ROBO2: variants seen among roughly 807,000 people sequenced by gnomAD.
The protein encoded by ROBO2 is roundabout homolog 2.
A neutral mutation model predicts 160.8 loss-of-function variants in ROBO2; 53 were observed. The ratio of observed to expected loss-of-function variants is 0.33; its 90% CI spans 0.26 to 0.41. ROBO2 has a LOEUF of 0.41. ROBO2 is among the 10% of genes least tolerant of loss of function. The pLI, the probability that ROBO2 is intolerant of heterozygous loss-of-function variation, is 1.00. For synonymous variants in ROBO2, 664 were observed against 611.7 expected, an observed-to-expected ratio of 1.09 and a Z score of -1.26; for missense variants, 1,577 against 1,722.4, an observed-to-expected ratio of 0.92 and a Z score of 1.49.
intron 2 of ROBO2, among the ~76,000 whole-genome samples, chr3:77,212,295 CTTG>C (rs1370463672): frequency 6.6e-6 from 1 of 152,088 alleles, no homozygotes; most frequent in African/African-American, 2.4e-5. Flanking sequence ...CTTCACATCC[CTTG>C]TAAGTTGGAT....
At position 76,599,899 on chromosome 3, in the gene ROBO2, G is replaced by GT. The variant is rs200413740; in HGVS notation, c.110-498109dup. Among the ~76,000 whole-genome samples the GT allele has an allele frequency of 8.2e-3, 1,240 of 151,916 alleles. 15 individuals carry two copies. Among genetic ancestry groups the GT allele is most frequent in the South Asian group, 0.051 (247 of 4,814 alleles). Reference sequence around the variant, plus strand: ...TTCCCGCTTTTTAATGGATTTTTTTGTTTTTTCTTGCAAATTTAAGTTCCT... The same window carrying GT: ...TTCCCGCTTTTTAATGGATTTTTTTGTTTTTTTCTTGCAAATTTAAGTTCCT... On this transcript the variant is annotated intron_variant, in intron 2 of 26. Coordinates refer to the ROBO2 transcript ENST00000487694.
At chr3:76,981,766 AC>A (rs2060111149) in intron 2 of ROBO2, among the ~76,000 whole-genome samples, 1 of 152,048 alleles carries the variant, frequency 6.6e-6, no homozygotes, top group African/African-American at 2.4e-5. Context: ...TTCTGGTGAA[AC>A]CTCTATGAGC....
At chr3:77,323,368 T>A (rs1242465777) in intron 2 of ROBO2, among the ~76,000 whole-genome samples, 9 of 151,964 alleles carry the variant, frequency 5.9e-5, no homozygotes, top group Admixed American at 5.9e-4. Context: ...TAATTGTATC[T>A]CTCAAGACCC....
chr3:76,918,695 C>T (rs1343988986), intron 2 of ROBO2, among the ~76,000 whole-genome samples: 1 of 152,152 alleles, frequency 6.6e-6, no homozygotes, highest in Non-Finnish European at 1.5e-5. Context: ...CATTTTCAGT[C>T]AGCATAATTG....
intron 2 of ROBO2, among the ~76,000 whole-genome samples, chr3:76,315,591 A>G (rs1016920337): frequency 1.3e-5 from 2 of 152,202 alleles, no homozygotes; most frequent in Admixed American, 1.3e-4. Flanking sequence ...GAGCTTGTAG[A>G]AGTTTTTTAA....
intron 2 of ROBO2, among the ~76,000 whole-genome samples, chr3:76,848,301 T>C (rs953475092): frequency 1.3e-5 from 2 of 152,166 alleles, no homozygotes; most frequent in African/African-American, 4.8e-5. Context: ...TGGCGAAGGA[T>C]GCTGCTAAAT....
chr3:76,969,924 G>C (rs2059493164), intron 2 of ROBO2, among the ~76,000 whole-genome samples: 1 of 152,058 alleles, frequency 6.6e-6, no homozygotes, highest in Non-Finnish European at 1.5e-5. Flanking sequence ...TAATTTTTAA[G>C]AATATCATTG....
intron 2 of ROBO2, among the ~76,000 whole-genome samples, chr3:77,301,198 A>G (rs147621192): frequency 3.7e-4 from 57 of 152,222 alleles, no homozygotes; most frequent in African/African-American, 1.3e-3. Context: ...TTGAAAATAT[A>G]TATTACTGAT....
chr3:76,094,209 G>T (rs2069348996), intron 2 of ROBO2, among the ~76,000 whole-genome samples: 1 of 152,018 alleles, frequency 6.6e-6, no homozygotes, highest in Non-Finnish European at 1.5e-5. Context: ...AAGTCTGAAA[G>T]AATTTTTCTC....
intron 2 of ROBO2, among the ~76,000 whole-genome samples, chr3:76,525,226 A>T (rs1476702992): frequency 6.6e-6 from 1 of 151,940 alleles, no homozygotes. Flanking sequence ...AGTAAGTGAT[A>T]GACATTTTGG....
intron 2 of ROBO2, among the ~76,000 whole-genome samples, chr3:76,912,415 A>G (rs946874528): frequency 6.6e-6 from 1 of 152,240 alleles, no homozygotes; most frequent in Non-Finnish European, 1.5e-5. Flanking sequence ...TAAAAATCAC[A>G]GGGACAACCC....
intron 2 of ROBO2, among the ~76,000 whole-genome samples, chr3:77,385,115 C>T (rs1397490952): frequency 1.3e-5 from 2 of 152,268 alleles, no homozygotes; most frequent in Admixed American, 6.5e-5. Flanking sequence ...CTGCAACCTC[C>T]GCCTCCGGAG....
chr3:76,031,008 G>A (rs535318514), intron 2 of ROBO2, among the ~76,000 whole-genome samples: 1 of 152,286 alleles, frequency 6.6e-6, no homozygotes, highest in Admixed American at 6.5e-5. Context: ...AGCATGGAAT[G>A]TTCTTCCATT....
At chr3:77,319,896 A>G (rs1056509800) in intron 2 of ROBO2, among the ~76,000 whole-genome samples, 1 of 152,144 alleles carries the variant, frequency 6.6e-6, no homozygotes, top group Non-Finnish European at 1.5e-5. Flanking sequence ...TCTGCCCCCA[A>G]GTGGTAGAGA....
chr3:77,121,313 TG>T (rs1307780550), intron 2 of ROBO2, among the ~76,000 whole-genome samples: 1 of 152,212 alleles, frequency 6.6e-6, no homozygotes, highest in African/African-American at 2.4e-5. Flanking sequence ...TTTCATATTC[TG>T]TCAGCATAAT....
intron 2 of ROBO2, among the ~76,000 whole-genome samples, chr3:76,538,532 TGCATAAAACCTC>T (rs2082640976): frequency 6.6e-6 from 1 of 152,216 alleles, no homozygotes; most frequent in Non-Finnish European, 1.5e-5. Context: ...AAGTAGTACA[TGCATAAAACCTC>T]TCACACCTTG....
intron 2 of ROBO2, among the ~76,000 whole-genome samples, chr3:77,117,173 C>T (rs1201775809): frequency 1.3e-5 from 2 of 152,102 alleles, no homozygotes; most frequent in South Asian, 2.1e-4. Flanking sequence ...CATTTTTACA[C>T]TTACATTTTG....
chr3:76,654,899 G>A (rs1157929713), intron 2 of ROBO2, among the ~76,000 whole-genome samples: 1 of 138,216 alleles, frequency 7.2e-6, no homozygotes, highest in Non-Finnish European at 1.5e-5. Context: ...ATGCATGTGT[G>A]TACATATGTG....
Position 77,183,718 on chromosome 3 carries a change from G to A in ROBO2, c.388+85378G>A, listed in dbSNP as rs189439252. Among the ~76,000 whole-genome samples the A allele has an allele frequency of 3.3e-5, 5 of 152,112 alleles. No homozygotes were observed. In the East Asian group the frequency reaches 7.7e-4, roughly 24 times the overall value. On this transcript the variant is annotated intron_variant, in intron 2 of 25. Coordinates refer to ENST00000461745, the Ensembl canonical transcript of ROBO2. ...AATAGAGATGACAGGTATTGTTTGT[G>A]TATTTCATCAGTTCATTAGCATTGA...
Sources: gnomAD v4.1 joint callset for allele counts (sites outside exome capture counted in the v4.1 genomes callset) on GRCh38, gnomAD v4.1.1 for gene constraint, MANE v1.5 for transcripts, NCBI Gene and HGNC (gene_info 2026-07-23, HGNC 2026-07-21) for gene names.